The following KCNIP4 variants were observed in gnomAD, a reference collection of about 807,000 sequenced individuals.
KCNIP4 encodes the protein Kv channel-interacting protein 4.
A neutral mutation model predicts 34.0 loss-of-function variants in KCNIP4; 12 were observed. The ratio of observed to expected loss-of-function variants is 0.35; its 90% CI spans 0.23 to 0.57. The LOEUF (loss-of-function observed/expected upper bound fraction) is 0.57. Ranked by LOEUF, KCNIP4 falls within the 20% of genes least tolerant of loss-of-function variation. The probability of loss-of-function intolerance (pLI) is 0.83; values close to 1 mark genes in which losing one functional copy is unlikely to be tolerated. For missense variants in KCNIP4, 238 were observed against 311.7 expected, an observed-to-expected ratio of 0.76 and a Z score of 1.78; for synonymous variants, 124 against 102.2, an observed-to-expected ratio of 1.21 and a Z score of -1.29.
At chr4:21,350,750 C>T (rs1717929264) in intron 1 of KCNIP4, among the ~76,000 whole-genome samples, 2 of 152,130 alleles carry the variant, frequency 1.3e-5, no homozygotes, top group Non-Finnish European at 1.5e-5. Context: ...GAGTTAATGC[C>T]CATCCCTAAA....
intron 1 of KCNIP4, among the ~76,000 whole-genome samples, chr4:21,756,954 A>C (rs962581048): frequency 4.0e-5 from 6 of 151,410 alleles, no homozygotes; most frequent in African/African-American, 1.5e-4. Flanking sequence ...AAAATTAGCC[A>C]GGTGTGGTAG....
Position 20,834,645 on chromosome 4 carries a change from C to T in KCNIP4, c.288+15898G>A, listed in dbSNP as rs552891248. ...AAAGTAAATGTACATAAAGAGTAGC[C>T]AGTGGAGGAGATGGTTGTTAGCACC... is the stretch of plus-strand genomic sequence containing the variant. On this transcript the variant is annotated intron_variant, in intron 3 of 8. Coordinates refer to ENST00000382152, the MANE Select transcript of KCNIP4 (RefSeq NM_025221.6). Among the ~76,000 whole-genome samples, 7 of 151,996 alleles carry T rather than the reference C, an allele frequency of 4.6e-5. No homozygotes were observed. In the South Asian group the frequency reaches 1.5e-3, roughly 32 times the overall value.
intron 1 of KCNIP4, among the ~76,000 whole-genome samples, chr4:21,404,156 C>CT (rs1441792888): frequency 6.6e-6 from 1 of 152,212 alleles, no homozygotes; most frequent in African/African-American, 2.4e-5. Context: ...ATATCAGTAG[C>CT]TTGCTTCTCC....
At chr4:21,561,735 T>C (rs1000999648) in intron 1 of KCNIP4, among the ~76,000 whole-genome samples, 1 of 152,030 alleles carries the variant, frequency 6.6e-6, no homozygotes, top group African/African-American at 2.4e-5. Flanking sequence ...AGATGCATGG[T>C]AATTGAGGAT....
chr4:20,999,430 TGTTTTTTG>T lies in KCNIP4; in HGVS notation c.62-116729_62-116722del, dbSNP rs1560634216. On this transcript the variant is annotated intron_variant, in intron 1 of 8. Coordinates refer to ENST00000382152, the MANE Select transcript of KCNIP4 (RefSeq NM_025221.6). ...TGTGGTGGTGTTTTTTTTTTTTGTT[TGTTTTTTG>T]TTTTTTTTTTTTTTTTTTATCTTGA... is the stretch of plus-strand genomic sequence containing the variant. 6.3e-3 allele frequency among the ~76,000 whole-genome samples: 230 copies of T among 36,678 alleles called. 9 individuals carry two copies. The highest frequency in any genetic ancestry group is 0.032 in the African/African-American group (220 of 6,892). 24.1% of individuals were successfully genotyped at this position (36,678 alleles called of 152,430 possible).
At chr4:21,688,433 T>C (rs1435580746) in intron 1 of KCNIP4, among the ~76,000 whole-genome samples, 2 of 152,154 alleles carry the variant, frequency 1.3e-5, no homozygotes, top group African/African-American at 4.8e-5. Context: ...AGGTTTTCTG[T>C]CTTTTAGAAG....
At chr4:21,376,675 G>A (rs1261709328) in intron 1 of KCNIP4, among the ~76,000 whole-genome samples, 1 of 152,130 alleles carries the variant, frequency 6.6e-6, no homozygotes, top group Non-Finnish European at 1.5e-5. Flanking sequence ...TTTATTATCA[G>A]TGTTACGTTT....
intron 1 of KCNIP4, among the ~76,000 whole-genome samples, chr4:21,856,585 C>T (rs1176221793): frequency 6.6e-6 from 1 of 152,156 alleles, no homozygotes; most frequent in South Asian, 2.1e-4. Context: ...GCTGTGGCTG[C>T]AGACCTGGGC....
chr4:20,785,206 C>A (rs1711797303), intron 3 of KCNIP4, among the ~76,000 whole-genome samples: 1 of 152,100 alleles, frequency 6.6e-6, no homozygotes, highest in Admixed American at 6.6e-5. Context: ...AAGACAAGTA[C>A]CAGTCTATGA....
At chr4:21,884,381 C>A (rs1179891526) in intron 1 of KCNIP4, among the ~76,000 whole-genome samples, 2 of 152,002 alleles carry the variant, frequency 1.3e-5, no homozygotes, top group East Asian at 3.9e-4. Context: ...CAAGAAAGTA[C>A]AATGGAGCCG....
intron 1 of KCNIP4, among the ~76,000 whole-genome samples, chr4:21,007,815 G>A (rs1235652501): frequency 6.6e-6 from 1 of 152,154 alleles, no homozygotes; most frequent in Non-Finnish European, 1.5e-5. Context: ...GAAACCAACG[G>A]AGAGTCATCC....
rs1553915316 is a variant in KCNIP4 at position 21,643,913 on chromosome 4, T to TAGACAGAC, written c.61+304657_61+304658insGTCTGTCT. 1.6e-4 allele frequency among the ~76,000 whole-genome samples: 23 copies of TAGACAGAC among 141,050 alleles called. No individual in the cohort carries two copies. The South Asian group carries it at 3.3e-3, about 20-fold the overall frequency. The allele number at this position is 141,050 out of a possible 152,430, so 92.5% of individuals were successfully genotyped here. On this transcript the variant is annotated intron_variant, in intron 1 of 8. Coordinates refer to ENST00000382152, the MANE Select transcript of KCNIP4 (RefSeq NM_025221.6). Reference sequence around the variant, plus strand: ...ATAGATAGATAGATAGATAGATAGATAGACTGGCAGAAAGATAGATAGATA... The same window carrying TAGACAGAC: ...ATAGATAGATAGATAGATAGATAGATAGACAGACAGACTGGCAGAAAGATAGATAGATA...
At chr4:21,470,516 G>T (rs358594) in intron 1 of KCNIP4, among the ~76,000 whole-genome samples, 1,524 of 152,290 alleles carry the variant, frequency 0.01, 28 homozygotes, top group African/African-American at 0.035. Context: ...TAGTTGTACA[G>T]GTTGTGTACA....
intron 1 of KCNIP4, among the ~76,000 whole-genome samples, chr4:21,288,695 T>C (rs1169283326): frequency 2.6e-5 from 4 of 152,292 alleles, no homozygotes; most frequent in East Asian, 1.9e-4. Context: ...ATTCAGATGA[T>C]TGCGTCAGAA....
chr4:20,779,019 G>C (rs1049549132), intron 3 of KCNIP4, among the ~76,000 whole-genome samples: 1 of 151,994 alleles, frequency 6.6e-6, no homozygotes, highest in Admixed American at 6.6e-5. Flanking sequence ...AGGGAGGGAG[G>C]CAGATAAATT....
intron 1 of KCNIP4, among the ~76,000 whole-genome samples, chr4:21,567,828 T>C (rs1237389798): frequency 6.6e-6 from 1 of 152,112 alleles, no homozygotes; most frequent in Non-Finnish European, 1.5e-5. Context: ...CTCTATCAAG[T>C]AGCGTGAGTG....
rs192589880 is a variant in KCNIP4, at chr4:20,810,181, G to T, written c.288+40362C>A. On this transcript the variant is annotated intron_variant, in intron 3 of 8. Coordinates refer to ENST00000382152, the MANE Select transcript of KCNIP4 (RefSeq NM_025221.6). Reference sequence around the variant, plus strand: ...TTTCCTCATTGCTGTTGTCACTGGAGAACAAAAACTGCAAAAGCGAGCCAT... The same window carrying T: ...TTTCCTCATTGCTGTTGTCACTGGATAACAAAAACTGCAAAAGCGAGCCAT... Among the ~76,000 whole-genome samples the T allele has an allele frequency of 1.7e-3, 260 of 152,258 alleles. 1 individual carries two copies. Among genetic ancestry groups the T allele is most frequent in the African/African-American group, 5.7e-3 (235 of 41,544 alleles).
At chr4:20,750,594 T>C (rs906653681) in intron 4 of KCNIP4, among the ~76,000 whole-genome samples, 1 of 152,188 alleles carries the variant, frequency 6.6e-6, no homozygotes, top group Non-Finnish European at 1.5e-5. Context: ...TTCCTGTTTC[T>C]CCGTTGTCTC....
rs1718492819 is a variant in KCNIP4, at chr4:21,355,505, CAG to C, written c.62-472798_62-472797del. On this transcript the variant is annotated intron_variant, in intron 1 of 8. Transcript: ENST00000382152. ...ATCCCACAGAAATACAAAATACCAT[CAG>C]AGAATACTATAAACACCTCTATGCA... Among the ~76,000 whole-genome samples the C allele has an allele frequency of 2.0e-5, 3 of 152,290 alleles. No homozygotes were observed. In the South Asian group the frequency reaches 6.2e-4, roughly 32 times the overall value.
Sources: allele counts gnomAD v4.1 joint callset (sites outside exome capture counted in the v4.1 genomes callset), GRCh38; gene constraint gnomAD v4.1.1; transcripts MANE v1.5; gene names NCBI Gene and HGNC (gene_info 2026-07-23, HGNC 2026-07-21).